Variants in MYO5C observed in about 807,000 individuals in gnomAD.
MYO5C encodes the protein myosin VC.
In MYO5C, 194 loss-of-function variants were observed where a neutral mutation model predicts 235.7. That is an observed-to-expected ratio of 0.82 (90% confidence interval 0.73 to 0.93). The LOEUF (loss-of-function observed/expected upper bound fraction) is 0.93. MYO5C is among the 40% of genes least tolerant of loss of function. The probability of loss-of-function intolerance (pLI) is 0.00; values close to 1 mark genes in which losing one functional copy is unlikely to be tolerated. For synonymous variants in MYO5C, 707 were observed against 754.8 expected, an observed-to-expected ratio of 0.94 and a Z score of 1.04; for missense variants, 2,038 against 2,127.2, an observed-to-expected ratio of 0.96 and a Z score of 0.82.
chr15:52,256,696 G>C lies in MYO5C; in HGVS notation c.1338C>G (p.Ser446Arg). The C allele has an allele frequency of 6.2e-7, 1 of 1,610,978 alleles. No individual in the cohort carries two copies. Among genetic ancestry groups the C allele is most frequent in the Non-Finnish European group, 8.5e-7 (1 of 1,178,230 alleles). Residue 446 changes from serine to arginine, a missense_variant, in exon 11 of 41, where the codon AGC (serine) becomes AGG (arginine). Ser to Arg is a moderately radical substitution (Grantham distance 110). Transcript: ENST00000261839. ...IYGFETFDVN[S>R]FEQFCINYAN... is the part of the protein sequence containing the mutation. The stretch of plus-strand genomic sequence containing the variant: ...CGTAATTGATGCAAAATTGTTCAAA[G>C]CTGTTCACATCAAAGGTTTCAAAAC...
Position 52,247,030 on chromosome 15 carries a change from A to G in MYO5C, c.1882-16T>C. On this transcript the variant is annotated splice_polypyrimidine_tract_variant and intron_variant, in intron 15 of 40. Transcript: ENST00000261839. The stretch of plus-strand genomic sequence containing the variant: ...AGCTGCGGAACTAGGAAACAAAGCT[A>G]GAGATCAAACATGGCTCTGAAATAA... 1 of 1,604,838 alleles carries G rather than the reference A, an allele frequency of 6.2e-7. No individual in the cohort carries two copies. Among genetic ancestry groups the G allele is most frequent in the Middle Eastern group, 1.7e-4 (1 of 6,042 alleles).
chr15:52,202,790 C>G (rs1418953109), intron 38 of MYO5C, among the ~76,000 whole-genome samples: 1 of 152,072 alleles, frequency 6.6e-6, no homozygotes, highest in Admixed American at 6.5e-5. Flanking sequence ...ACTCCAACTC[C>G]AAAGTTTCAC....
chr15:52,234,669 G>A (rs1458481529), intron 23 of MYO5C, among the ~76,000 whole-genome samples: 1 of 152,170 alleles, frequency 6.6e-6, no homozygotes, highest in Non-Finnish European at 1.5e-5. Context: ...ACAGGGTGGA[G>A]GGCACGCAGC....
At chr15:52,280,681 C>T (rs142032489) in intron 2 of MYO5C, among the ~76,000 whole-genome samples, 1 of 152,364 alleles carries the variant, frequency 6.6e-6, no homozygotes, top group African/African-American at 2.4e-5. Context: ...TCATCAAGTG[C>T]CACTGTGCAG....
chr15:52,207,191 A>C (rs2035339844), intron 36 of MYO5C, among the ~76,000 whole-genome samples: 1 of 152,178 alleles, frequency 6.6e-6, no homozygotes, highest in South Asian at 2.1e-4. Context: ...ACAGAGGTGA[A>C]AAGGAACAAG....
intron 20 of MYO5C, 116 bp downstream of exon 20, chr15:52,241,932 T>C: frequency 8.4e-7 from 1 of 1,190,914 alleles, no homozygotes; most frequent in Non-Finnish European, 1.2e-6. Flanking sequence ...CTGGCTTGGC[T>C]GACACTTTGT....
intron 39 of MYO5C, among the ~76,000 whole-genome samples, chr15:52,195,963 T>C (rs961252585): frequency 7.2e-5 from 1 of 13,908 alleles, no homozygotes; most frequent in South Asian, 1.4e-3. Flanking sequence ...CACACCCAGC[T>C]TTTTTTTTTT....
Position 52,232,631 on chromosome 15 carries a change from C to T in MYO5C, c.3017G>A (p.Arg1006Gln), listed in dbSNP as rs374398546. The T allele has an allele frequency of 9.2e-5, 149 of 1,613,330 alleles. No homozygotes were observed. Among genetic ancestry groups the T allele is most frequent in the Non-Finnish European group, 1.2e-4 (143 of 1,179,808 alleles). Reference sequence around the variant, plus strand: ...AAACTAGATTCCATACATTCTTTGCCGTTCTTCCTTTTGTACATCATCAAA... The same window carrying T: ...AAACTAGATTCCATACATTCTTTGCTGTTCTTCCTTTTGTACATCATCAAA... ...QLFDDVQKEE[R>Q]QRMLLEKSFE... Residue 1006 changes from arginine (R) to glutamine (Q), a missense_variant, in exon 24 of 41, where the codon CGG becomes CAG. By Grantham distance (43) the Arg-to-Gln change is conservative (BLOSUM62 1). Transcript: ENST00000261839.
rs575834390 is a variant in MYO5C, at chr15:52,284,239, T to C, written c.28-1347A>G. On this transcript the variant is annotated intron_variant, in intron 1 of 40. Coordinates refer to ENST00000261839, the MANE Select transcript of MYO5C (RefSeq NM_018728.4). ...AAAAAAAACACCTGCAGAATACCCA[T>C]ACAATGAAATACAACTTACCCATAA... Among the ~76,000 whole-genome samples, 253 of 150,534 alleles carry C rather than the reference T, an allele frequency of 1.7e-3. 1 individual carries two copies. Among genetic ancestry groups the C allele is most frequent in the Non-Finnish European group, 2.8e-3 (189 of 67,726 alleles).
rs949142688 is a variant in MYO5C at position 52,260,879 on chromosome 15, A to G, written c.1296T>C (p.Gly432=). 1 of 1,614,164 alleles carries G rather than the reference A, an allele frequency of 6.2e-7. No homozygotes were observed. Among genetic ancestry groups the G allele is most frequent in the Non-Finnish European group, 8.5e-7 (1 of 1,180,026 alleles). Residue 432 remains glycine (G), a synonymous_variant, in exon 10 of 41, where the codon GGT becomes GGC. Coordinates refer to ENST00000261839, the MANE Select transcript of MYO5C (RefSeq NM_018728.4). The stretch of plus-strand genomic sequence containing the variant: ...AATCTTACCCATAAATGTCCAAAAC[A>G]CCAATAAAAGTGTGCTGCTTGCCTG... The part of the protein sequence containing the change: ...QFSGKQHTFI[G]VLDIYGFETF...
rs2036952031 is a variant in MYO5C at position 52,272,694 on chromosome 15, A to G, written c.636T>C (p.Asn212=). The part of the protein sequence containing the change: ...EAVGNAKTTR[N]DNSSRFGKYT... The stretch of plus-strand genomic sequence containing the variant: ...ATTTCCCAAACCGACTACTATTGTC[A>G]TTGCGGGTGGTCTTGGCATTTCCAA... The change falls in exon 6 of 41, where the codon AAT becomes AAC. Residue 212 remains asparagine, a synonymous_variant. Coordinates refer to ENST00000261839, the MANE Select transcript of MYO5C (RefSeq NM_018728.4). 1 of 1,614,076 alleles carries G rather than the reference A, an allele frequency of 6.2e-7. No individual in the cohort carries two copies. The highest frequency in any genetic ancestry group is 8.5e-7 in the Non-Finnish European group (1 of 1,180,000).
intron 16 of MYO5C, 109 bp from the exon 17 acceptor site, chr15:52,246,151 C>T: frequency 2.5e-6 from 2 of 785,874 alleles, no homozygotes; most frequent in Non-Finnish European, 4.3e-6. Context: ...AGGTACCCAG[C>T]AGATACTTAA....
chr15:52,237,694 T>C (rs1409080908), intron 21 of MYO5C, 48 bp from the exon 22 acceptor site: 4 of 1,558,582 alleles, frequency 2.6e-6, no homozygotes, highest in African/African-American at 2.8e-5. Flanking sequence ...CAAACAAAGA[T>C]GCTGTTCCAT....
intron 7 of MYO5C, among the ~76,000 whole-genome samples, chr15:52,271,325 T>A (rs1387737987): frequency 2.6e-5 from 4 of 151,076 alleles, no homozygotes; most frequent in Middle Eastern, 6.9e-3. Context: ...ATCTCCCGGG[T>A]TCAAGCAATT....
At chr15:52,209,838 T>C (rs951752897) in intron 35 of MYO5C, among the ~76,000 whole-genome samples, 9 of 152,230 alleles carry the variant, frequency 5.9e-5, no homozygotes, top group South Asian at 2.1e-4. Flanking sequence ...GTGAATTTTC[T>C]ATTCCTAACT....
In MYO5C at chr15:52,244,443, C is replaced by T. The variant is rs563490354; in HGVS notation, c.2303G>A (p.Arg768His). 1.2e-5 allele frequency: 20 copies of T among 1,614,148 alleles called. No individual in the cohort carries two copies. Among genetic ancestry groups the T allele is most frequent in the African/African-American group, 1.2e-4 (9 of 75,042 alleles). The stretch of plus-strand genomic sequence containing the variant: ...GAATTTTTTCCTCTGGAGCCAGCCA[C>T]GCATGTGCTTTTGTACCATAACACA... ...QSCVMVQKHMRGWLQRKKFLR... is the reference protein window; with the variant it reads ...QSCVMVQKHMHGWLQRKKFLR... Residue 768 changes from arginine to histidine, a missense_variant, in exon 19 of 41, where the codon CGT (arginine) becomes CAT (histidine). Arg to His is a conservative substitution (Grantham distance 29). Coordinates refer to ENST00000261839, the MANE Select transcript of MYO5C (RefSeq NM_018728.4).
rs1348817699 is a variant in MYO5C at position 52,205,799 on chromosome 15, A to T, written c.4537+17T>A. The T allele has an allele frequency of 6.8e-7, 1 of 1,478,452 alleles. No homozygotes were observed. Among genetic ancestry groups the T allele is most frequent in the Non-Finnish European group, 9.2e-7 (1 of 1,091,740 alleles). 91.6% of individuals were successfully genotyped at this position (1,478,452 alleles called of 1,614,324 possible). A position where few individuals can be genotyped will look rare whatever the true frequency, so the allele number is the denominator to read the frequency against. On this transcript the variant is annotated intron_variant, in intron 37 of 40. Coordinates refer to ENST00000261839, the MANE Select transcript of MYO5C (RefSeq NM_018728.4). ...ATGTTACTATAAATATTTTTTGGTCATCCATTCTCTTCTTACCTATTATCG... is the reference window on the plus strand; with the variant it reads ...ATGTTACTATAAATATTTTTTGGTCTTCCATTCTCTTCTTACCTATTATCG...
At chr15:52,285,564 G>C (rs567348912) in intron 1 of MYO5C, among the ~76,000 whole-genome samples, 3 of 151,980 alleles carry the variant, frequency 2.0e-5, no homozygotes, top group Non-Finnish European at 4.4e-5. Context: ...CTGCCATCTC[G>C]GCTCACTGCA....
intron 2 of MYO5C, among the ~76,000 whole-genome samples, chr15:52,281,360 C>T (rs2037158866): frequency 2.6e-5 from 4 of 152,228 alleles, no homozygotes; most frequent in South Asian, 2.1e-4. Flanking sequence ...CCTCTGCAGC[C>T]GGGTCAAGGC....
Sources: allele counts gnomAD v4.1 joint callset (sites outside exome capture counted in the v4.1 genomes callset), GRCh38; gene constraint gnomAD v4.1.1; transcripts MANE v1.5; gene names NCBI Gene and HGNC (gene_info 2026-07-23, HGNC 2026-07-21).